The following KCNQ3 variants were observed in gnomAD, a reference collection of about 807,000 sequenced individuals.
The protein encoded by KCNQ3 is potassium voltage-gated channel subfamily Q member 3.
In KCNQ3, 30 loss-of-function variants were observed where a neutral mutation model predicts 92.5. The observed-to-expected ratio is 0.32, with a 90% CI of 0.24 to 0.44. The LOEUF is 0.44. KCNQ3 is among the 20% of genes least tolerant of loss of function. The pLI, the probability that KCNQ3 is intolerant of heterozygous loss-of-function variation, is 1.00. For synonymous variants in KCNQ3, 450 were observed against 468.8 expected (o/e 0.96, Z 0.52); for missense variants, 913 against 1,140.3 (o/e 0.80, Z 2.87).
At chr8:132,209,825 C>A (rs534253049) in intron 1 of KCNQ3, among the ~76,000 whole-genome samples, 1 of 152,034 alleles carries the variant, frequency 6.6e-6, no homozygotes, top group South Asian at 2.1e-4. Flanking sequence ...TTAAATGCAT[C>A]CTCAACTTAC....
At chr8:132,256,133 T>G (rs1296935849) in intron 1 of KCNQ3, among the ~76,000 whole-genome samples, 4 of 151,970 alleles carry the variant, frequency 2.6e-5, no homozygotes, top group Non-Finnish European at 5.9e-5. Context: ...AAAGAAAATA[T>G]GAAAACAATG....
At chr8:132,423,131 C>T (rs1285590841) in intron 1 of KCNQ3, among the ~76,000 whole-genome samples, 1 of 152,074 alleles carries the variant, frequency 6.6e-6, no homozygotes, top group Non-Finnish European at 1.5e-5. Context: ...GTAATTACCA[C>T]CCCCCACCAC....
chr8:132,209,831 C>A (rs149454893), intron 1 of KCNQ3, among the ~76,000 whole-genome samples: 123 of 152,272 alleles, frequency 8.1e-4, no homozygotes, highest in Middle Eastern at 6.8e-3. Flanking sequence ...GCATCCTCAA[C>A]TTACAATATT....
chr8:132,336,541 C>T (rs997263694), intron 1 of KCNQ3, among the ~76,000 whole-genome samples: 5 of 152,128 alleles, frequency 3.3e-5, no homozygotes, highest in Admixed American at 3.3e-4. Context: ...GTTATAAGGC[C>T]CATAAGATGA....
intron 1 of KCNQ3, among the ~76,000 whole-genome samples, chr8:132,353,683 G>A (rs559662061): frequency 3.9e-5 from 6 of 152,126 alleles, no homozygotes; most frequent in South Asian, 2.1e-4. Flanking sequence ...GCGTGGTGGC[G>A]CACGGCTGTA....
At chr8:132,187,918 T>TAGTGATAGTGATGGTGGTGGTGG (rs1827050609) in intron 1 of KCNQ3, among the ~76,000 whole-genome samples, 1 of 113,498 alleles carries the variant, frequency 8.8e-6, no homozygotes, top group African/African-American at 3.7e-5. Context: ...GGTGGTGGTG[T>TAGTGATAGTGATGGTGGTGGTGG]TGGTGGTGAT....
chr8:132,146,883 CTT>C (rs1825466508), intron 9 of KCNQ3, among the ~76,000 whole-genome samples: 2 of 150,330 alleles, frequency 1.3e-5, no homozygotes, highest in Middle Eastern at 6.3e-3. Context: ...GTTTCAAACT[CTT>C]GAGCTCAGGT....
intron 1 of KCNQ3, among the ~76,000 whole-genome samples, chr8:132,197,982 C>T (rs1827350496): frequency 6.6e-6 from 1 of 152,196 alleles, no homozygotes; most frequent in Admixed American, 6.5e-5. Flanking sequence ...GCCTTCTGCT[C>T]ATCACATTCT....
intron 1 of KCNQ3, chr8:132,447,391 T>C: frequency 1.4e-6 from 1 of 721,002 alleles, no homozygotes; most frequent in Non-Finnish European, 2.4e-6. Context: ...GAGAAGACAC[T>C]GCAAGAAAGA....
intron 1 of KCNQ3, among the ~76,000 whole-genome samples, chr8:132,311,501 C>G (rs1270105383): frequency 6.6e-6 from 1 of 152,334 alleles, no homozygotes; most frequent in South Asian, 2.1e-4. Context: ...CCTTCCACTT[C>G]TCATTAAAAT....
chr8:132,478,989 G>T (rs1000114395), intron 1 of KCNQ3, among the ~76,000 whole-genome samples: 4 of 151,326 alleles, frequency 2.6e-5, no homozygotes, highest in Non-Finnish European at 4.4e-5. Context: ...GGGAGGGGGG[G>T]TTGCCAAGGT....
chr8:132,292,943 T>G (rs770439448), intron 1 of KCNQ3, among the ~76,000 whole-genome samples: 1 of 152,140 alleles, frequency 6.6e-6, no homozygotes, highest in Non-Finnish European at 1.5e-5. Context: ...GCCTTGCTGG[T>G]GTAGATTATG....
intron 9 of KCNQ3, among the ~76,000 whole-genome samples, chr8:132,153,797 C>T (rs1277020570): frequency 6.6e-6 from 1 of 151,950 alleles, no homozygotes. Context: ...CCTTCATGGT[C>T]ACCAGGACTC....
intron 1 of KCNQ3, among the ~76,000 whole-genome samples, chr8:132,237,716 G>A (rs1256970020): frequency 2.0e-5 from 3 of 152,294 alleles, no homozygotes; most frequent in Middle Eastern, 3.4e-3. Flanking sequence ...AAGCTGGGTG[G>A]TTTGTTGGAA....
chr8:132,354,250 T>C (rs892386836), intron 1 of KCNQ3, among the ~76,000 whole-genome samples: 8 of 152,190 alleles, frequency 5.3e-5, no homozygotes, highest in Admixed American at 3.3e-4. Context: ...TAGTCAATCA[T>C]TTATTTTCAG....
intron 8 of KCNQ3, among the ~76,000 whole-genome samples, chr8:132,166,289 A>C (rs1237526929): frequency 6.6e-6 from 1 of 152,208 alleles, no homozygotes; most frequent in Non-Finnish European, 1.5e-5. Context: ...AGAAAATGAA[A>C]AGCCAGACAT....
chr8:132,282,897 G>C (rs1320265014), intron 1 of KCNQ3, among the ~76,000 whole-genome samples: 1 of 152,164 alleles, frequency 6.6e-6, no homozygotes, highest in African/African-American at 2.4e-5. Context: ...TCCCAACAAA[G>C]TGTGGTGAGA....
chr8:132,239,672 A>G (rs931467208), intron 1 of KCNQ3, among the ~76,000 whole-genome samples: 13 of 152,222 alleles, frequency 8.5e-5, no homozygotes, highest in African/African-American at 1.4e-4. Context: ...ACACACTTGC[A>G]TGATGGAACC....
chr8:132,388,925 C>A (rs986579308), intron 1 of KCNQ3, among the ~76,000 whole-genome samples: 10 of 151,972 alleles, frequency 6.6e-5, no homozygotes, highest in African/African-American at 2.4e-4. Flanking sequence ...ACTTAAATAC[C>A]GACACATACA....
Sources: gnomAD v4.1 joint callset for allele counts (sites outside exome capture counted in the v4.1 genomes callset) on GRCh38, gnomAD v4.1.1 for gene constraint, MANE v1.5 for transcripts, NCBI Gene and HGNC (gene_info 2026-07-23, HGNC 2026-07-21) for gene names.